The following ROBO1 variants were observed in gnomAD, a reference collection of about 807,000 sequenced individuals.
ROBO1 encodes roundabout guidance receptor 1.
ROBO1 carries 149 observed loss-of-function variants against 195.9 expected under a neutral mutation model. The observed-to-expected ratio is 0.76, with a 90% CI of 0.67 to 0.87. The LOEUF is 0.87. Among genes scored for constraint, ROBO1 ranks in the 40% least tolerant of loss-of-function variants. ROBO1 has a pLI of 0.00. For missense variants in ROBO1, 1,933 were observed against 2,068.3 expected (o/e 0.93, Z 1.27); for synonymous variants, 816 against 733.2 (o/e 1.11, Z -1.82).
At chr3:79,270,581 T>C (rs1438466462) in intron 2 of ROBO1, among the ~76,000 whole-genome samples, 1 of 151,806 alleles carries the variant, frequency 6.6e-6, no homozygotes, top group African/African-American at 2.4e-5. Flanking sequence ...CATTATCATA[T>C]GCAAGAAAAT....
chr3:78,971,243 G>C (rs1350605912), intron 3 of ROBO1, among the ~76,000 whole-genome samples: 1 of 152,036 alleles, frequency 6.6e-6, no homozygotes, highest in Admixed American at 6.6e-5. Context: ...ACAAAAATGA[G>C]CCAGGCATGG....
chr3:78,732,690 G>C (rs1031067664), intron 5 of ROBO1, among the ~76,000 whole-genome samples: 2 of 152,108 alleles, frequency 1.3e-5, no homozygotes, highest in Non-Finnish European at 2.9e-5. Context: ...CACCATGCAT[G>C]TGAATAGGCT....
chr3:79,036,101 T>C (rs1348523531), intron 3 of ROBO1, among the ~76,000 whole-genome samples: 1 of 152,142 alleles, frequency 6.6e-6, no homozygotes, highest in African/African-American at 2.4e-5. Flanking sequence ...TAATCTAACT[T>C]AATGGGAGTT....
chr3:79,505,032 A>G (rs1370966543), intron 2 of ROBO1, among the ~76,000 whole-genome samples: 1 of 138,204 alleles, frequency 7.2e-6, no homozygotes, highest in Non-Finnish European at 1.6e-5. Context: ...CTCCCTGAAA[A>G]AAAAAAACTT....
chr3:79,766,502 G>A (rs1338977247), intron 1 of ROBO1, among the ~76,000 whole-genome samples: 10 of 151,682 alleles, frequency 6.6e-5, no homozygotes, highest in African/African-American at 1.7e-4. Flanking sequence ...CCAGGTGTGA[G>A]CGCCCTCCAC....
chr3:79,493,939 G>T (rs1293305508), intron 2 of ROBO1, among the ~76,000 whole-genome samples: 1 of 151,972 alleles, frequency 6.6e-6, no homozygotes, highest in African/African-American at 2.4e-5. Context: ...ATACTAGATC[G>T]TATTCATTGT....
chr3:78,777,583 CTGTT>C (rs2083542814), intron 4 of ROBO1, among the ~76,000 whole-genome samples: 1 of 152,196 alleles, frequency 6.6e-6, no homozygotes, highest in South Asian at 2.1e-4. Flanking sequence ...ATCACACCCA[CTGTT>C]TGAGCACATA....
chr3:79,498,800 T>C (rs1308183988), intron 2 of ROBO1, among the ~76,000 whole-genome samples: 7 of 151,670 alleles, frequency 4.6e-5, no homozygotes, highest in Non-Finnish European at 1.0e-4. Context: ...GTTGCAGTGA[T>C]TGAGCCATTG....
At chr3:79,454,578 A>G (rs2039555361) in intron 2 of ROBO1, among the ~76,000 whole-genome samples, 1 of 152,152 alleles carries the variant, frequency 6.6e-6, no homozygotes, top group Non-Finnish European at 1.5e-5. Context: ...TCAATGGTAA[A>G]GAAAGAATAG....
intron 2 of ROBO1, among the ~76,000 whole-genome samples, chr3:79,438,464 A>G (rs1206764533): frequency 6.6e-6 from 1 of 152,046 alleles, no homozygotes; most frequent in African/African-American, 2.4e-5. Flanking sequence ...TGGATGAGAA[A>G]AAAGTAGGTG....
At chr3:79,357,320 CTA>C (rs1372062870) in intron 2 of ROBO1, among the ~76,000 whole-genome samples, 1 of 152,094 alleles carries the variant, frequency 6.6e-6, no homozygotes, top group Non-Finnish European at 1.5e-5. Context: ...AGAGGCTTCT[CTA>C]TATATTTAAG....
intron 2 of ROBO1, among the ~76,000 whole-genome samples, chr3:79,145,223 T>C (rs557502090): frequency 1.1e-4 from 16 of 151,986 alleles, no homozygotes; most frequent in South Asian, 6.2e-4. Flanking sequence ...TAATTTACTA[T>C]AAACACCATA....
intron 2 of ROBO1, among the ~76,000 whole-genome samples, chr3:79,531,317 G>A (rs1234235176): frequency 6.6e-6 from 1 of 151,904 alleles, no homozygotes; most frequent in East Asian, 1.9e-4. Flanking sequence ...GTAAATATTT[G>A]GCACATAACA....
intron 14 of ROBO1, among the ~76,000 whole-genome samples, chr3:78,663,455 C>T (rs754925907): frequency 3.9e-5 from 6 of 152,124 alleles, no homozygotes; most frequent in Middle Eastern, 6.3e-3. Context: ...ACTTGATTGT[C>T]ACCTTTCCAT....
intron 1 of ROBO1, among the ~76,000 whole-genome samples, chr3:79,712,373 T>C (rs1702311105): frequency 6.6e-6 from 1 of 152,034 alleles, no homozygotes; most frequent in South Asian, 2.1e-4. Flanking sequence ...ATATTAGTGA[T>C]TTGAATAGAA....
chr3:78,599,094 T>C (rs1446369934), intron 30 of ROBO1, among the ~76,000 whole-genome samples, 167 bp from the exon 31 acceptor site: 1 of 152,180 alleles, frequency 6.6e-6, no homozygotes, highest in Non-Finnish European at 1.5e-5. Context: ...CAACCTTAAT[T>C]GGTCTTCACA....
At chr3:78,745,194 G>T (rs2082627581) in intron 5 of ROBO1, among the ~76,000 whole-genome samples, 1 of 151,534 alleles carries the variant, frequency 6.6e-6, no homozygotes, top group Non-Finnish European at 1.5e-5. Flanking sequence ...TGTAATCCCA[G>T]CTACTTAGGA....
At chr3:78,694,066 T>C (rs1318471211) in intron 8 of ROBO1, among the ~76,000 whole-genome samples, 1 of 152,168 alleles carries the variant, frequency 6.6e-6, no homozygotes, top group African/African-American at 2.4e-5. Flanking sequence ...TAGAAAAAAG[T>C]GAATAAATTA....
At chr3:79,438,906 C>T (rs1266020075) in intron 2 of ROBO1, among the ~76,000 whole-genome samples, 1 of 151,994 alleles carries the variant, frequency 6.6e-6, no homozygotes, top group Non-Finnish European at 1.5e-5. Flanking sequence ...CTGATACTAG[C>T]AGCTGTTTGC....
Sources: allele counts gnomAD v4.1 joint callset (sites outside exome capture counted in the v4.1 genomes callset), GRCh38; gene constraint gnomAD v4.1.1; transcripts MANE v1.5; gene names NCBI Gene and HGNC (gene_info 2026-07-23, HGNC 2026-07-21).